DOK6: variants seen among roughly 807,000 people sequenced by gnomAD.
DOK6 encodes the protein downstream of tyrosine kinase 6.
DOK6 carries 22 observed loss-of-function variants against 44.0 expected under a neutral mutation model. The ratio of observed to expected loss-of-function variants is 0.50; its 90% CI spans 0.36 to 0.71. The LOEUF (loss-of-function observed/expected upper bound fraction) is 0.71, where lower values mean the gene tolerates loss of function less well. DOK6 is among the 30% of genes least tolerant of loss of function. The probability of loss-of-function intolerance (pLI) is 0.00; values close to 1 mark genes in which losing one functional copy is unlikely to be tolerated. For missense variants in DOK6, 340 were observed against 416.4 expected, an observed-to-expected ratio of 0.82 and a Z score of 1.60; for synonymous variants, 166 against 145.5, an observed-to-expected ratio of 1.14 and a Z score of -1.01.
At chr18:69,664,028 A>G (rs942059424) in intron 3 of DOK6, among the ~76,000 whole-genome samples, 18 of 152,352 alleles carry the variant, frequency 1.2e-4, no homozygotes, top group Middle Eastern at 3.4e-3. Context: ...AATACATTTT[A>G]AAATAAAATG....
intron 4 of DOK6, among the ~76,000 whole-genome samples, chr18:69,680,962 A>G (rs1476902008): frequency 6.6e-6 from 1 of 152,246 alleles, no homozygotes; most frequent in Middle Eastern, 3.2e-3. Flanking sequence ...CTCTTCAAGC[A>G]TAACACCTTT....
At chr18:69,463,707 ATGTG>A (rs1231952837) in intron 1 of DOK6, among the ~76,000 whole-genome samples, 1 of 150,598 alleles carries the variant, frequency 6.6e-6, no homozygotes, top group Admixed American at 6.6e-5. Context: ...GTGTGTGTCT[ATGTG>A]TGTATGTGTA....
intron 6 of DOK6, among the ~76,000 whole-genome samples, chr18:69,756,947 C>T (rs553929974): frequency 1.8e-4 from 27 of 152,190 alleles, no homozygotes; most frequent in African/African-American, 6.0e-4. Flanking sequence ...ACATGTGTGC[C>T]GAGACTAAAT....
Position 69,770,284 on chromosome 18 carries a change from G to A in DOK6, c.856+12411G>A, listed in dbSNP as rs375456362. ...ATAAAATAACTTGCCAAAGGACACA[G>A]AGTGGGATTATCAACGCAGGCAGTC... On this transcript the variant is annotated intron_variant, in intron 7 of 7. Coordinates refer to ENST00000382713, the MANE Select transcript of DOK6 (RefSeq NM_152721.6). Among the ~76,000 whole-genome samples, 11 of 152,270 alleles carry A rather than the reference G, an allele frequency of 7.2e-5. No homozygotes were observed. In the South Asian group the frequency reaches 1.9e-3, roughly 26 times the overall value.
At position 69,735,211 on chromosome 18, in the gene DOK6, C is replaced by A. The variant is rs183772972; in HGVS notation, c.600-3754C>A. ...TGAGGCTGGATAAAGAGGATATTCT[C>A]TTAGATTCCATAGAGGAATGTAATT... On this transcript the variant is annotated intron_variant, in intron 5 of 7. Transcript: ENST00000382713. Among the ~76,000 whole-genome samples, 66 of 152,306 alleles carry A rather than the reference C, an allele frequency of 4.3e-4. 1 individual carries two copies. In the East Asian group the frequency reaches 0.012, roughly 28 times the overall value.
intron 4 of DOK6, among the ~76,000 whole-genome samples, chr18:69,693,583 CA>C (rs1272013932): frequency 1.3e-5 from 2 of 152,056 alleles, no homozygotes; most frequent in East Asian, 3.9e-4. Flanking sequence ...TGTATTCTTA[CA>C]AAAGGGAAAT....
intron 1 of DOK6, among the ~76,000 whole-genome samples, chr18:69,429,663 A>ATATATATATC (rs5825937): frequency 3.6e-4 from 40 of 110,136 alleles, no homozygotes; most frequent in South Asian, 8.6e-4. Flanking sequence ...ATATATATAT[A>ATATATATATC]TCTTATTAAT....
intron 1 of DOK6, among the ~76,000 whole-genome samples, chr18:69,535,570 A>AATATATATATGTGATTC (rs1555711014): frequency 0.021 from 3,159 of 151,680 alleles, 54 homozygotes; most frequent in African/African-American, 0.037. Context: ...TACTCAGTTG[A>AATATATATATGTGATTC]ATATATATAT....
chr18:69,739,273 C>T, intron 6 of DOK6, 170 bp downstream of exon 6: 1 of 837,986 alleles, frequency 1.2e-6, no homozygotes, highest in Non-Finnish European at 1.7e-6. Context: ...TTCAATATGT[C>T]AAAAAAGAAG....
intron 3 of DOK6, among the ~76,000 whole-genome samples, chr18:69,603,993 A>G (rs1243505262): frequency 2.0e-5 from 3 of 152,172 alleles, no homozygotes; most frequent in African/African-American, 7.2e-5. Context: ...AAATATAAGC[A>G]TCAAATTAGG....
At chr18:69,437,493 CTCTGT>C (rs1287594528) in intron 1 of DOK6, among the ~76,000 whole-genome samples, 5 of 152,024 alleles carry the variant, frequency 3.3e-5, no homozygotes, top group African/African-American at 1.2e-4. Context: ...TTTGTGAGTC[CTCTGT>C]TCTGTTCAGT....
chr18:69,687,686 A>G (rs1181353267), intron 4 of DOK6, among the ~76,000 whole-genome samples: 1 of 152,094 alleles, frequency 6.6e-6, no homozygotes, highest in East Asian at 1.9e-4. Context: ...TCTCAAACAC[A>G]CACCCACAAA....
chr18:69,577,009 A>T (rs1243375526), intron 2 of DOK6, among the ~76,000 whole-genome samples: 2 of 152,160 alleles, frequency 1.3e-5, no homozygotes, highest in African/African-American at 2.4e-5. Context: ...CAGAAAAGCG[A>T]TGCTTGTATT....
At chr18:69,497,997 A>G (rs201739533) in intron 1 of DOK6, among the ~76,000 whole-genome samples, 1 of 116,792 alleles carries the variant, frequency 8.6e-6, no homozygotes, top group African/African-American at 3.3e-5. Flanking sequence ...CTCCAAAAAA[A>G]GAAAAAAAAA....
In DOK6 at chr18:69,848,049, ACACACACACACAC is replaced by A. The variant is rs1982388503; in HGVS notation, c.*6667_*6679del. 6.7e-6 allele frequency: 1 copy of A among 148,982 alleles called. No individual in the cohort carries two copies. Among genetic ancestry groups the A allele is most frequent in the Non-Finnish European group, 1.5e-5 (1 of 66,384 alleles). The allele number at this position is 148,982 out of a possible 1,614,324, so 9.2% of individuals were successfully genotyped here. ...CACACACACACACACACACACACAC[ACACACACACACAC>A]ATTTTTGGCTTTTGACCCACTCTGT... On this transcript the variant is annotated 3_prime_UTR_variant, in exon 8 of 8. Coordinates refer to ENST00000382713, the MANE Select transcript of DOK6 (RefSeq NM_152721.6).
intron 1 of DOK6, chr18:69,471,588 T>G (rs1210642027): frequency 2.0e-5 from 3 of 150,468 alleles, no homozygotes; most frequent in Non-Finnish European, 3.0e-5. Flanking sequence ...TTTTTTTGTT[T>G]TTTTTTTTTT....
chr18:69,599,511 T>C lies in DOK6; in HGVS notation c.289+13T>C, dbSNP rs1327708463. 1 of 1,608,166 alleles carries C rather than the reference T, an allele frequency of 6.2e-7. No individual in the cohort carries two copies. The highest frequency in any genetic ancestry group is 1.3e-5 in the African/African-American group (1 of 74,714). On this transcript the variant is annotated intron_variant, in intron 3 of 7. Transcript: ENST00000382713. ...GCCTGTGAGTCAGGTAAGCTATTAT[T>C]GGCCATCTACCCCTTGAGGAAATTG...
chr18:69,843,138 T>C lies in DOK6; in HGVS notation c.*1755T>C, dbSNP rs1414836832. ...CACTCCACTCGGTATGAAAACCCCA[T>C]CAAGATACTAATCGTAAGAGTTAAT... is the stretch of plus-strand genomic sequence containing the variant. On this transcript the variant is annotated 3_prime_UTR_variant, in exon 8 of 8. Coordinates refer to ENST00000382713, the MANE Select transcript of DOK6 (RefSeq NM_152721.6). 9 of 152,168 alleles carry C rather than the reference T, an allele frequency of 5.9e-5. No homozygotes were observed. The highest frequency in any genetic ancestry group is 5.9e-4 in the Admixed American group (9 of 15,270). The allele number at this position is 152,168 out of a possible 1,614,324, so 9.4% of individuals were successfully genotyped here. A position where few individuals can be genotyped will look rare whatever the true frequency, so the allele number is the denominator to read the frequency against.
intron 1 of DOK6, among the ~76,000 whole-genome samples, chr18:69,472,504 C>A (rs1440925482): frequency 6.6e-6 from 1 of 152,268 alleles, no homozygotes; most frequent in East Asian, 1.9e-4. Context: ...TTCATTGTTG[C>A]AATAGACAAA....
Sources: gnomAD v4.1 joint callset for allele counts (sites outside exome capture counted in the v4.1 genomes callset) on GRCh38, gnomAD v4.1.1 for gene constraint, MANE v1.5 for transcripts, NCBI Gene and HGNC (gene_info 2026-07-23, HGNC 2026-07-21) for gene names.